ZNF521: variants seen among roughly 807,000 people sequenced by gnomAD.
ZNF521 encodes zinc finger protein 521.
A neutral mutation model predicts 105.5 loss-of-function variants in ZNF521; 14 were observed. That is an observed-to-expected ratio of 0.13 (90% CI 0.09 to 0.21). ZNF521 has a LOEUF of 0.21. Among genes scored for constraint, ZNF521 ranks in the 10% least tolerant of loss-of-function variants. The pLI is 1.00. For synonymous variants in ZNF521, 635 were observed against 606.0 expected, an observed-to-expected ratio of 1.05 and a Z score of -0.70; for missense variants, 1,233 against 1,629.7, an observed-to-expected ratio of 0.76 and a Z score of 4.19.
chr18:25,141,617 CTT>C (rs1248076612), intron 5 of ZNF521, among the ~76,000 whole-genome samples: 2 of 152,136 alleles, frequency 1.3e-5, no homozygotes, highest in African/African-American at 2.4e-5. Context: ...GATTTACACT[CTT>C]TGTAGTCTAC....
At chr18:25,066,222 G>C (rs2033056004) in intron 7 of ZNF521, among the ~76,000 whole-genome samples, 1 of 152,170 alleles carries the variant, frequency 6.6e-6, no homozygotes, top group Non-Finnish European at 1.5e-5. Context: ...ACCATTGGCA[G>C]TGATGCTCAT....
intron 5 of ZNF521, among the ~76,000 whole-genome samples, chr18:25,172,376 C>G (rs1339097827): frequency 1.3e-5 from 2 of 152,138 alleles, no homozygotes; most frequent in East Asian, 3.9e-4. Flanking sequence ...TTTAAAGAAA[C>G]TTCCCCTCAA....
chr18:25,221,730 T>C (rs1223282189), intron 4 of ZNF521, among the ~76,000 whole-genome samples: 2 of 152,202 alleles, frequency 1.3e-5, no homozygotes, highest in Non-Finnish European at 2.9e-5. Context: ...ATAATAACAT[T>C]TCATTTTACC....
chr18:25,090,469 C>T (rs981291040), intron 6 of ZNF521, among the ~76,000 whole-genome samples: 1 of 152,148 alleles, frequency 6.6e-6, no homozygotes, highest in Non-Finnish European at 1.5e-5. Context: ...TTTCTCATTA[C>T]CTTAAAAAAC....
At chr18:25,320,864 G>A (rs1164993859) in intron 3 of ZNF521, among the ~76,000 whole-genome samples, 1 of 152,176 alleles carries the variant, frequency 6.6e-6, no homozygotes, top group Non-Finnish European at 1.5e-5. Context: ...TTTTCTGAAA[G>A]GAAGATGATT....
At chr18:25,342,056 A>C (rs1000481507) in intron 2 of ZNF521, among the ~76,000 whole-genome samples, 2 of 152,216 alleles carry the variant, frequency 1.3e-5, no homozygotes, top group African/African-American at 4.8e-5. Context: ...CAAAACACAC[A>C]GCAAATCAGA....
chr18:25,085,751 C>T (rs151129890), intron 7 of ZNF521, among the ~76,000 whole-genome samples: 3,096 of 151,040 alleles, frequency 0.02, 42 homozygotes, highest in Middle Eastern at 0.031. Context: ...CATATATACG[C>T]ATATATATAA....
At chr18:25,102,138 T>G (rs761668146) in intron 5 of ZNF521, among the ~76,000 whole-genome samples, 1 of 152,102 alleles carries the variant, frequency 6.6e-6, no homozygotes, top group Non-Finnish European at 1.5e-5. Flanking sequence ...GCAATTAATA[T>G]CCCTCCAAAA....
At chr18:25,153,660 G>C (rs1179444716) in intron 5 of ZNF521, among the ~76,000 whole-genome samples, 10 of 152,164 alleles carry the variant, frequency 6.6e-5, no homozygotes, top group African/African-American at 2.4e-4. Context: ...TGTCAGGACC[G>C]AACTTCACAC....
intron 2 of ZNF521, among the ~76,000 whole-genome samples, chr18:25,344,204 T>TTAAAA (rs371504887): frequency 1.4e-5 from 2 of 141,294 alleles, no homozygotes; most frequent in African/African-American, 5.2e-5. Context: ...AGTTTTTTAT[T>TTAAAA]AAAAAAAAAA....
chr18:25,346,355 A>T (rs1372434080), intron 2 of ZNF521, among the ~76,000 whole-genome samples: 5 of 152,122 alleles, frequency 3.3e-5, no homozygotes, highest in African/African-American at 1.2e-4. Context: ...AGAGAAAAAA[A>T]TGTGTTTAAA....
chr18:25,235,922 A>G (rs892476651), intron 3 of ZNF521, among the ~76,000 whole-genome samples: 2 of 141,184 alleles, frequency 1.4e-5, no homozygotes, highest in African/African-American at 5.7e-5. Context: ...ATTAGGGGGG[A>G]ACTATTACTA....
chr18:25,072,772 G>C (rs1485816464), intron 7 of ZNF521, among the ~76,000 whole-genome samples: 1 of 152,212 alleles, frequency 6.6e-6, no homozygotes, highest in African/African-American at 2.4e-5. Context: ...CTGTGGGACA[G>C]AAGGCTTTGA....
Position 25,104,833 on chromosome 18 carries a change from C to A in ZNF521, c.3659-12752G>T, listed in dbSNP as rs185424158. ...TAGAGATTAGCATGGTATGAATGTG[C>A]AGAAAATAAAAAAGTGAATACATAA... On this transcript the variant is annotated intron_variant, in intron 5 of 7. Coordinates refer to ENST00000361524, the MANE Select transcript of ZNF521 (RefSeq NM_015461.3). Among the ~76,000 whole-genome samples the A allele has an allele frequency of 3.3e-5, 5 of 151,988 alleles. No individual in the cohort carries two copies. In the East Asian group the frequency reaches 9.7e-4, roughly 29 times the overall value.
chr18:25,088,771 A>C (rs2033682151), intron 7 of ZNF521, among the ~76,000 whole-genome samples: 1 of 152,140 alleles, frequency 6.6e-6, no homozygotes, highest in Non-Finnish European at 1.5e-5. Context: ...AGAATAACCA[A>C]ATCTTCCTAT....
At chr18:25,076,656 T>C (rs540482258) in intron 7 of ZNF521, among the ~76,000 whole-genome samples, 1 of 152,230 alleles carries the variant, frequency 6.6e-6, no homozygotes, top group African/African-American at 2.4e-5. Context: ...TAATAAAATA[T>C]GGATTATTGA....
chr18:25,215,785 G>A (rs1483141053), intron 4 of ZNF521, among the ~76,000 whole-genome samples: 8 of 152,100 alleles, frequency 5.3e-5, no homozygotes, highest in Non-Finnish European at 7.4e-5. Context: ...AGGTGATCAC[G>A]GAACTGGGTA....
intron 5 of ZNF521, among the ~76,000 whole-genome samples, chr18:25,119,626 G>A (rs959726515): frequency 4.6e-5 from 7 of 151,964 alleles, no homozygotes; most frequent in South Asian, 4.1e-4. Context: ...TACTTTGAAA[G>A]GAAAGATACT....
At chr18:25,228,693 G>A (rs529653682) in intron 3 of ZNF521, among the ~76,000 whole-genome samples, 2 of 152,272 alleles carry the variant, frequency 1.3e-5, no homozygotes, top group South Asian at 4.1e-4. Flanking sequence ...ACAAAAAGAA[G>A]ACAAACAAGA....
Sources: allele counts gnomAD v4.1 joint callset (sites outside exome capture counted in the v4.1 genomes callset), GRCh38; gene constraint gnomAD v4.1.1; transcripts MANE v1.5; gene names NCBI Gene and HGNC (gene_info 2026-07-23, HGNC 2026-07-21).